FAM83F: variants seen among roughly 807,000 people sequenced by gnomAD.
FAM83F encodes scaffolding CK1 anchoring protein F.
A neutral mutation model predicts 42.9 loss-of-function variants in FAM83F; 45 were observed. That is an observed-to-expected ratio of 1.05 (90% CI 0.83 to 1.35). FAM83F has a LOEUF of 1.35. Among genes scored for constraint, FAM83F ranks in the 40% most tolerant of loss-of-function variants. The pLI, the probability that FAM83F is intolerant of heterozygous loss-of-function variation, is 0.00. For missense variants in FAM83F, 617 were observed against 695.9 expected, an observed-to-expected ratio of 0.89 and a Z score of 1.28; for synonymous variants, 306 against 298.3, an observed-to-expected ratio of 1.03 and a Z score of -0.27.
chr22:40,039,609 G>T lies in FAM83F; in HGVS notation c.*10044G>T, dbSNP rs1183563247. The T allele has an allele frequency of 6.6e-6, 1 of 152,258 alleles. No homozygotes were observed. Among genetic ancestry groups the T allele is most frequent in the East Asian group, 1.9e-4 (1 of 5,202 alleles). 9.4% of individuals were successfully genotyped at this position (152,258 alleles called of 1,614,324 possible). A position where few individuals can be genotyped will look rare whatever the true frequency, so the allele number is the denominator to read the frequency against. ...ATTCTCATCTTAGAGGTGAAAGTAG[G>T]ATAATGACCCAGCTGAGCTTGCTGA... On this transcript the variant is annotated 3_prime_UTR_variant, in exon 5 of 5. Transcript: ENST00000333407.
rs528545355 is a variant in FAM83F, at chr22:40,042,045, A to T, written c.*12480A>T. On this transcript the variant is annotated 3_prime_UTR_variant, in exon 5 of 5. Coordinates refer to ENST00000333407, the MANE Select transcript of FAM83F (RefSeq NM_138435.4). ...AACTATTTATTTTCTTTCTTTTTGTAGAAATGGGCTCTGCCTGTGTTGCTC... is the reference window on the plus strand; with the variant it reads ...AACTATTTATTTTCTTTCTTTTTGTTGAAATGGGCTCTGCCTGTGTTGCTC... 1 of 152,028 alleles carries T rather than the reference A, an allele frequency of 6.6e-6. No individual in the cohort carries two copies. Among genetic ancestry groups the T allele is most frequent in the South Asian group, 2.1e-4 (1 of 4,826 alleles). 9.4% of individuals were successfully genotyped at this position (152,028 alleles called of 1,614,324 possible). A position where few individuals can be genotyped will look rare whatever the true frequency, so the allele number is the denominator to read the frequency against.
Position 39,996,449 on chromosome 22 carries a change from T to C in FAM83F, c.489+918T>C, listed in dbSNP as rs937993234. Among the ~76,000 whole-genome samples, 18 of 152,256 alleles carry C rather than the reference T, an allele frequency of 1.2e-4. 1 individual carries two copies. The highest frequency in any genetic ancestry group is 1.1e-3 in the Admixed American group (17 of 15,286). On this transcript the variant is annotated intron_variant, in intron 1 of 4. Transcript: ENST00000333407. ...CGTACTGATACTGAAAAATTCTTCG[T>C]TGTGTATCTGAAATTCAAATTGAAT... is the stretch of plus-strand genomic sequence containing the variant.
At chr22:40,029,462 TC>T in intron 4 of FAM83F, 53 bp from the exon 5 acceptor site, 1 of 1,573,046 alleles carries the variant, frequency 6.4e-7, no homozygotes, top group Non-Finnish European at 8.6e-7. Flanking sequence ...TGAAGCTGAA[TC>T]CACCAAGCGT....
Position 40,040,108 on chromosome 22 carries a change from G to A in FAM83F, c.*10543G>A, listed in dbSNP as rs1371879454. 1 of 152,254 alleles carries A rather than the reference G, an allele frequency of 6.6e-6. No homozygotes were observed. The highest frequency in any genetic ancestry group is 1.9e-4 in the East Asian group (1 of 5,200). The allele number at this position is 152,254 out of a possible 1,614,324, so 9.4% of individuals were successfully genotyped here. On this transcript the variant is annotated 3_prime_UTR_variant, in exon 5 of 5. Coordinates refer to ENST00000333407, the MANE Select transcript of FAM83F (RefSeq NM_138435.4). ...AGAGGCAGTAATTTAGCCGGAAAGA[G>A]GTGTATTTCTTTCCTTGAGTTTATA... is the stretch of plus-strand genomic sequence containing the variant.
intron 1 of FAM83F, among the ~76,000 whole-genome samples, chr22:39,996,887 A>T (rs2067375553): frequency 6.6e-6 from 1 of 152,204 alleles, no homozygotes; most frequent in Non-Finnish European, 1.5e-5. Flanking sequence ...TTGGACACAG[A>T]AGAGGGAAAA....
At chr22:40,024,154 C>T (rs2067537432) in intron 4 of FAM83F, among the ~76,000 whole-genome samples, 1 of 152,194 alleles carries the variant, frequency 6.6e-6, no homozygotes. Flanking sequence ...TGTGTGCCAC[C>T]ATGCCTGGCT....
At chr22:40,024,287 G>A (rs1051877499) in intron 4 of FAM83F, among the ~76,000 whole-genome samples, 3 of 152,260 alleles carry the variant, frequency 2.0e-5, no homozygotes, top group East Asian at 1.9e-4. Flanking sequence ...ACAAGCCACC[G>A]CGCCTGGCCA....
At chr22:40,002,795 G>A (rs562169161) in intron 1 of FAM83F, among the ~76,000 whole-genome samples, 2 of 152,220 alleles carry the variant, frequency 1.3e-5, no homozygotes, top group African/African-American at 2.4e-5. Context: ...TGAGTGATGC[G>A]TGCAGTAAAA....
rs972255905 is a variant in FAM83F, at chr22:40,029,724, A to G, written c.*159A>G. ...TGGCCTCAGGGACGCTGGATCCCAA[A>G]TGAGAGGGTCCGAAGCATCTCAGTC... On this transcript the variant is annotated 3_prime_UTR_variant, in exon 5 of 5. Transcript: ENST00000333407. 1.9e-6 allele frequency: 2 copies of G among 1,063,952 alleles called. No homozygotes were observed. The highest frequency in any genetic ancestry group is 3.2e-5 in the African/African-American group (2 of 62,638). The allele number at this position is 1,063,952 out of a possible 1,614,324, so 65.9% of individuals were successfully genotyped here. A position where few individuals can be genotyped will look rare whatever the true frequency, so the allele number is the denominator to read the frequency against.
At chr22:40,012,630 C>T (rs1248563224) in intron 1 of FAM83F, among the ~76,000 whole-genome samples, 7 of 149,460 alleles carry the variant, frequency 4.7e-5, no homozygotes, top group East Asian at 2.0e-4. Flanking sequence ...ATTAGCTGGG[C>T]GTGATGGTGT....
At chr22:39,999,575 G>A (rs563456028) in intron 1 of FAM83F, among the ~76,000 whole-genome samples, 1 of 152,162 alleles carries the variant, frequency 6.6e-6, no homozygotes, top group African/African-American at 2.4e-5. Context: ...TTACACAGAG[G>A]CTCCCTCTGA....
rs1164522737 is a variant in FAM83F, at chr22:40,043,275, T to C, written c.*13710T>C. 1 of 152,176 alleles carries C rather than the reference T, an allele frequency of 6.6e-6. No homozygotes were observed. Among genetic ancestry groups the C allele is most frequent in the African/African-American group, 2.4e-5 (1 of 41,432 alleles). 9.4% of individuals were successfully genotyped at this position (152,176 alleles called of 1,614,324 possible). ...ACGGTAAAATGTTAATTACCCAAGATGGAATGTGGGCTAGAGTCCAGCGTT... is the reference window on the plus strand; with the variant it reads ...ACGGTAAAATGTTAATTACCCAAGACGGAATGTGGGCTAGAGTCCAGCGTT... On this transcript the variant is annotated 3_prime_UTR_variant, in exon 5 of 5. Coordinates refer to ENST00000333407, the MANE Select transcript of FAM83F (RefSeq NM_138435.4).
rs771590239 is a variant in FAM83F at position 39,995,429 on chromosome 22, C to T, written c.387C>T (p.Tyr129=). Residue 129 remains tyrosine (Y), a synonymous_variant, in exon 1 of 5, where the codon TAC becomes TAT. Transcript: ENST00000333407. The surrounding 1 kb of genome is among the most constrained non-coding windows in gnomAD (Gnocchi z 4.6). ...LDLGWTDTGF[Y]RGVSRVTLFT... ...TGGGCTGGACGGACACTGGTTTCTA[C>T]CGCGGCGTGAGCCGGGTCACGCTCT... is the stretch of plus-strand genomic sequence containing the variant. 87 of 1,553,266 alleles carry T rather than the reference C, an allele frequency of 5.6e-5. No homozygotes were observed. The Admixed American group carries it at 1.3e-3, about 24-fold the overall frequency.
Position 40,021,895 on chromosome 22 carries a change from C to T in FAM83F, c.1385C>T (p.Thr462Ile), listed in dbSNP as rs2067525163. 11 of 1,601,244 alleles carry T rather than the reference C, an allele frequency of 6.9e-6. No individual in the cohort carries two copies. The highest frequency in any genetic ancestry group is 9.4e-6 in the Non-Finnish European group (11 of 1,173,868). The change falls in exon 4 of 5, where the codon ACC becomes ATC. Residue 462 changes from threonine (T) to isoleucine (I), a missense_variant. Physicochemically the swap from Thr to Ile is moderately conservative, Grantham distance 89. Coordinates refer to ENST00000333407, the MANE Select transcript of FAM83F (RefSeq NM_138435.4). This position sits in a 1 kb window ranked among gnomAD's most constrained non-coding sequence, Gnocchi z 8.7. ...APNGMASSVS[T>I]ETSEVEFLTG... ...AATGGCATGGCCAGCTCTGTCTCCA[C>T]CGAGACCTCTGAAGTGGAGTTTCTG...
Position 40,029,567 on chromosome 22 carries a change from C to G in FAM83F, c.*2C>G, listed in dbSNP as rs2067575161. On this transcript the variant is annotated 3_prime_UTR_variant, in exon 5 of 5. Coordinates refer to ENST00000333407, the MANE Select transcript of FAM83F (RefSeq NM_138435.4). Reference sequence around the variant, plus strand: ...CCTAGCAACTGTGTGATTTCCTGAGCTGCGGGATGGTGGTGGGCAGGACGT... The same window carrying G: ...CCTAGCAACTGTGTGATTTCCTGAGGTGCGGGATGGTGGTGGGCAGGACGT... 6.2e-7 allele frequency: 1 copy of G among 1,611,518 alleles called. No homozygotes were observed. The highest frequency in any genetic ancestry group is 1.3e-5 in the African/African-American group (1 of 74,886).
In FAM83F at chr22:40,029,782, A is replaced by C; in HGVS notation, c.*217A>C. 2 of 627,760 alleles carry C rather than the reference A, an allele frequency of 3.2e-6. No homozygotes were observed. Among genetic ancestry groups the C allele is most frequent in the Non-Finnish European group, 5.3e-6 (2 of 375,360 alleles). The allele number at this position is 627,760 out of a possible 1,614,324, so 38.9% of individuals were successfully genotyped here. A position where few individuals can be genotyped will look rare whatever the true frequency, so the allele number is the denominator to read the frequency against. Reference sequence around the variant, plus strand: ...TCCACCGGACTGTCGGTGGCTGGGCAGGGGTCAGTGCCACGGCCTCCTTGT... The same window carrying C: ...TCCACCGGACTGTCGGTGGCTGGGCCGGGGTCAGTGCCACGGCCTCCTTGT... On this transcript the variant is annotated 3_prime_UTR_variant, in exon 5 of 5. Transcript: ENST00000333407.
At position 40,017,681 on chromosome 22, in the gene FAM83F, G is replaced by A. The variant is rs373705738; in HGVS notation, c.490-1487G>A. ...GCCTGGTCTGCCTGACTTTAGAGTC[G>A]GTGCTTTCAGTTTTGAAGGCAAACC... On this transcript the variant is annotated intron_variant, in intron 1 of 4. Coordinates refer to ENST00000333407, the MANE Select transcript of FAM83F (RefSeq NM_138435.4). Among the ~76,000 whole-genome samples the A allele has an allele frequency of 2.0e-3, 303 of 152,298 alleles. 2 individuals are homozygous for A. Among genetic ancestry groups the A allele is most frequent in the African/African-American group, 6.9e-3 (287 of 41,560 alleles).
rs1469161104 is a variant in FAM83F, at chr22:40,042,910, T to C, written c.*13345T>C. 6.6e-6 allele frequency: 1 copy of C among 152,200 alleles called. No individual in the cohort carries two copies. The highest frequency in any genetic ancestry group is 1.5e-5 in the Non-Finnish European group (1 of 68,032). The allele number at this position is 152,200 out of a possible 1,614,324, so 9.4% of individuals were successfully genotyped here. ...TTCTGAATGTTTCTCATTCATTGTGTTTTTGAGTTCAGAATCCCCATACTG... is the reference window on the plus strand; with the variant it reads ...TTCTGAATGTTTCTCATTCATTGTGCTTTTGAGTTCAGAATCCCCATACTG... On this transcript the variant is annotated 3_prime_UTR_variant, in exon 5 of 5. Transcript: ENST00000333407.
At position 40,041,177 on chromosome 22, in the gene FAM83F, A is replaced by C. The variant is rs187912180; in HGVS notation, c.*11612A>C. ...TCCAGCAAAAAGCCAACTGTATAGA[A>C]CACCACATATAGAGCGCTAAGAATA... On this transcript the variant is annotated 3_prime_UTR_variant, in exon 5 of 5. Coordinates refer to ENST00000333407, the MANE Select transcript of FAM83F (RefSeq NM_138435.4). 1 of 152,330 alleles carries C rather than the reference A, an allele frequency of 6.6e-6. No homozygotes were observed. The highest frequency in any genetic ancestry group is 2.4e-5 in the African/African-American group (1 of 41,572). 9.4% of individuals were successfully genotyped at this position (152,330 alleles called of 1,614,324 possible).
Sources: allele counts gnomAD v4.1 joint callset (sites outside exome capture counted in the v4.1 genomes callset), GRCh38; gene constraint gnomAD v4.1.1; non-coding constraint Gnocchi (gnomAD v3.1); transcripts MANE v1.5; gene names NCBI Gene and HGNC (gene_info 2026-07-23, HGNC 2026-07-21).